The following ZNF710 variants were observed in gnomAD, a reference collection of about 807,000 sequenced individuals.
ZNF710 encodes the protein zinc finger protein 710.
In ZNF710, 13 loss-of-function variants were observed where a neutral mutation model predicts 50.6. That is an observed-to-expected ratio of 0.26 (90% confidence interval 0.17 to 0.41). The LOEUF is 0.41. ZNF710 is among the 10% of genes least tolerant of loss of function. ZNF710 has a pLI of 1.00. For synonymous variants in ZNF710, 383 were observed against 397.0 expected (o/e 0.96, Z 0.42); for missense variants, 721 against 936.6 (o/e 0.77, Z 3.01).
chr15:90,042,022 C>T (rs1899311261), intron 1 of ZNF710, among the ~76,000 whole-genome samples: 1 of 151,996 alleles, frequency 6.6e-6, no homozygotes, highest in East Asian at 1.9e-4. Flanking sequence ...CTCAGCCTCC[C>T]AGGTAGCTGG....
At chr15:90,009,049 C>T (rs1223770399) in intron 1 of ZNF710, among the ~76,000 whole-genome samples, 2 of 151,912 alleles carry the variant, frequency 1.3e-5, no homozygotes, top group African/African-American at 4.8e-5. Flanking sequence ...GAATGTCCAC[C>T]CTCCGCATTT....
chr15:90,050,611 A>T (rs1899610242), intron 1 of ZNF710, among the ~76,000 whole-genome samples: 1 of 152,174 alleles, frequency 6.6e-6, no homozygotes, highest in Non-Finnish European at 1.5e-5. Context: ...AGTGAGAACC[A>T]TTATCTCATG....
intron 1 of ZNF710, among the ~76,000 whole-genome samples, chr15:90,017,364 T>C (rs1307679638): frequency 6.6e-6 from 1 of 152,156 alleles, no homozygotes; most frequent in East Asian, 1.9e-4. Flanking sequence ...GTGTTGGCCA[T>C]ATATAATACA....
intron 1 of ZNF710, among the ~76,000 whole-genome samples, chr15:90,020,805 T>C (rs1214698138): frequency 6.6e-6 from 1 of 152,248 alleles, no homozygotes; most frequent in African/African-American, 2.4e-5. Flanking sequence ...CCTCCCTGAA[T>C]GGCGGGTCCC....
chr15:90,013,952 C>A lies in ZNF710; in HGVS notation c.-29+12338C>A, dbSNP rs549921630. The stretch of plus-strand genomic sequence containing the variant: ...TTCTGAGCTTTTTGAAAGCCCAGAG[C>A]TGTATCATTTATTTCTGGAGCCCCA... On this transcript the variant is annotated intron_variant, in intron 1 of 4. Transcript: ENST00000268154. Among the ~76,000 whole-genome samples the A allele has an allele frequency of 3.9e-5, 6 of 152,216 alleles. No individual in the cohort carries two copies. In the South Asian group the frequency reaches 1.2e-3, roughly 32 times the overall value.
Position 90,073,118 on chromosome 15 carries a change from A to G in ZNF710, c.1506A>G (p.Leu502=). 3 of 1,614,058 alleles carry G rather than the reference A, an allele frequency of 1.9e-6. No homozygotes were observed. Among genetic ancestry groups the G allele is most frequent in the Non-Finnish European group, 1.7e-6 (2 of 1,180,006 alleles). Residue 502 remains leucine (L), a synonymous_variant, in exon 3 of 5, where the codon CTA becomes CTG. Transcript: ENST00000268154. ...KCEVCGREFT[L]QANMKRHMLI... is the part of the protein sequence containing the mutation. ...AGGTGTGTGGCCGGGAGTTCACCCTACAGGCGAACATGAAGCGGCACATGC... is the reference window on the plus strand; with the variant it reads ...AGGTGTGTGGCCGGGAGTTCACCCTGCAGGCGAACATGAAGCGGCACATGC...
intron 1 of ZNF710, among the ~76,000 whole-genome samples, chr15:90,043,544 G>A (rs1484554835): frequency 6.6e-6 from 1 of 152,226 alleles, no homozygotes; most frequent in Non-Finnish European, 1.5e-5. Flanking sequence ...TGTTTCTCCA[G>A]TGGAACTGAA....
At chr15:89,999,907 G>A (rs1897974824), upstream of ZNF710, among the ~76,000 whole-genome samples, 1 of 151,932 alleles carries the variant, frequency 6.6e-6, no homozygotes, top group South Asian at 2.1e-4. Context: ...AGATGCAGCC[G>A]GGAGGAAGGA....
chr15:90,067,720 G>T lies in ZNF710; in HGVS notation c.583G>T (p.Ala195Ser). The change falls in exon 2 of 5, where the codon GCC becomes TCC. Residue 195 changes from alanine to serine, a missense_variant. By Grantham distance (99) the Ala-to-Ser change is moderately conservative (BLOSUM62 1). Around this residue, in one of 3 missense-constraint regions of ZNF710, gnomAD observed 326 missense variants for 347.1 expected, o/e 0.94. Coordinates refer to ENST00000268154, the MANE Select transcript of ZNF710 (RefSeq NM_198526.4). The surrounding 1 kb of genome is among the most constrained non-coding windows in gnomAD (Gnocchi z 8.1). The stretch of plus-strand genomic sequence containing the variant: ...ATATGACCCTCACTTCCCGGCCCCG[G>T]CCCGGGATGGCTTCCCCGAGCCCAG... ...APYDPHFPAP[A>S]RDGFPEPSMA... The T allele has an allele frequency of 6.2e-7, 1 of 1,605,044 alleles. No individual in the cohort carries two copies.
rs753339721 is a variant in ZNF710 at position 90,080,902 on chromosome 15, A to G, written c.*1073A>G. On this transcript the variant is annotated 3_prime_UTR_variant, in exon 5 of 5. Coordinates refer to ENST00000268154, the MANE Select transcript of ZNF710 (RefSeq NM_198526.4). Reference sequence around the variant, plus strand: ...TCTTTCCAACTGTGTGTCACCTATGACCTTTTCTGATGGAGATGCATTTTC... The same window carrying G: ...TCTTTCCAACTGTGTGTCACCTATGGCCTTTTCTGATGGAGATGCATTTTC... 2 of 152,162 alleles carry G rather than the reference A, an allele frequency of 1.3e-5. No individual in the cohort carries two copies. The highest frequency in any genetic ancestry group is 2.9e-5 in the Non-Finnish European group (2 of 68,040). The allele number at this position is 152,162 out of a possible 1,614,324, so 9.4% of individuals were successfully genotyped here.
In ZNF710 at chr15:90,081,243, C is replaced by G; in HGVS notation, c.*1414C>G. ...CCTGCTCTCTTCCCCTCTGTTCCCACGCCAGCTCCTGCCCCTGGAACCAGA... is the reference window on the plus strand; with the variant it reads ...CCTGCTCTCTTCCCCTCTGTTCCCAGGCCAGCTCCTGCCCCTGGAACCAGA... On this transcript the variant is annotated 3_prime_UTR_variant, in exon 5 of 5. Coordinates refer to ENST00000268154, the MANE Select transcript of ZNF710 (RefSeq NM_198526.4). 1 of 152,532 alleles carries G rather than the reference C, an allele frequency of 6.6e-6. No individual in the cohort carries two copies. The highest frequency in any genetic ancestry group is 1.9e-4 in the East Asian group (1 of 5,196). The allele number at this position is 152,532 out of a possible 1,614,324, so 9.4% of individuals were successfully genotyped here. A position where few individuals can be genotyped will look rare whatever the true frequency, so the allele number is the denominator to read the frequency against.
At chr15:90,079,623 G>T (rs1259012817) in intron 4 of ZNF710, 37 bp from the exon 5 acceptor site, 3 of 1,599,608 alleles carry the variant, frequency 1.9e-6, no homozygotes, top group Non-Finnish European at 2.6e-6. Flanking sequence ...CCTCCCGAGA[G>T]ATGGCAGCCA....
At chr15:90,070,323 T>C (rs1900333074) in intron 2 of ZNF710, among the ~76,000 whole-genome samples, 1 of 151,106 alleles carries the variant, frequency 6.6e-6, no homozygotes, top group African/African-American at 2.4e-5. Context: ...TAATAGCCAC[T>C]GCACTCTAGC....
At chr15:90,035,591 T>C (rs1325739350) in intron 1 of ZNF710, among the ~76,000 whole-genome samples, 1 of 152,232 alleles carries the variant, frequency 6.6e-6, no homozygotes, top group Non-Finnish European at 1.5e-5. Flanking sequence ...TTTCCAGCAC[T>C]CACATATCTC....
chr15:90,008,454 G>GTA lies in ZNF710; in HGVS notation c.-29+6851_-29+6852dup, dbSNP rs1378957319. On this transcript the variant is annotated intron_variant, in intron 1 of 4. Transcript: ENST00000268154. ...TATATATATATACATATATATATAT[G>GTA]TATATATATATACATGAAGTAAAAG... 1.5e-3 allele frequency among the ~76,000 whole-genome samples: 188 copies of GTA among 124,924 alleles called. 6 individuals are homozygous for GTA. Among genetic ancestry groups the GTA allele is most frequent in the East Asian group, 5.8e-3 (29 of 4,998 alleles). The allele number at this position is 124,924 out of a possible 152,430, so 82.0% of individuals were successfully genotyped here.
At chr15:90,012,879 C>T (rs958753235) in intron 1 of ZNF710, among the ~76,000 whole-genome samples, 1 of 151,798 alleles carries the variant, frequency 6.6e-6, no homozygotes, top group East Asian at 1.9e-4. Flanking sequence ...CAAATATGCT[C>T]GGTCTTTTAA....
At chr15:90,051,303 T>C (rs1167531284) in intron 1 of ZNF710, among the ~76,000 whole-genome samples, 1 of 151,572 alleles carries the variant, frequency 6.6e-6, no homozygotes, top group Non-Finnish European at 1.5e-5. Flanking sequence ...CATCAGCCCT[T>C]ATGAAACACA....
chr15:90,029,722 C>A (rs1222944401), intron 1 of ZNF710, among the ~76,000 whole-genome samples: 1 of 152,084 alleles, frequency 6.6e-6, no homozygotes, highest in African/African-American at 2.4e-5. Context: ...TCCAGTGATT[C>A]TCCTGCCTCA....
chr15:90,062,595 G>T lies in ZNF710; in HGVS notation c.-28-4515G>T, dbSNP rs780769964. Reference sequence around the variant, plus strand: ...CACACAGGTGACGCACACCTGGCAGGCTCTCTTCCTGCCCTGGATGGCCCT... The same window carrying T: ...CACACAGGTGACGCACACCTGGCAGTCTCTCTTCCTGCCCTGGATGGCCCT... On this transcript the variant is annotated intron_variant, in intron 1 of 4. Transcript: ENST00000268154. The surrounding 1 kb of genome is among the most constrained non-coding windows in gnomAD (Gnocchi z 5.6). 6.6e-6 allele frequency among the ~76,000 whole-genome samples: 1 copy of T among 152,184 alleles called. No homozygotes were observed. Among genetic ancestry groups the T allele is most frequent in the African/African-American group, 2.4e-5 (1 of 41,452 alleles).
Sources: allele counts gnomAD v4.1 joint callset (sites outside exome capture counted in the v4.1 genomes callset), GRCh38; gene constraint gnomAD v4.1.1; regional missense constraint gnomAD v4.1.1; non-coding constraint Gnocchi (gnomAD v3.1); transcripts MANE v1.5; gene names NCBI Gene and HGNC (gene_info 2026-07-23, HGNC 2026-07-21).